Variants in SDR42E1 observed in about 807,000 individuals in gnomAD.
SDR42E1 encodes short chain dehydrogenase/reductase family 42E, member 1.
A neutral mutation model predicts 2.6 loss-of-function variants in SDR42E1; 5 were observed. The ratio of observed to expected loss-of-function variants is 1.94; its 90% CI spans 1.01 to 4.08. The LOEUF (loss-of-function observed/expected upper bound fraction) is 4.08. Among genes scored for constraint, SDR42E1 ranks in the 30% most tolerant of loss-of-function variants. SDR42E1 has a pLI of 0.00. For synonymous variants in SDR42E1, 231 were observed against 188.3 expected (o/e 1.23, Z -1.86); for missense variants, 596 against 478.6 (o/e 1.25, Z -2.29).
At chr16:82,004,504 T>A (rs1343210586) in intron 1 of SDR42E1, among the ~76,000 whole-genome samples, 1 of 152,188 alleles carries the variant, frequency 6.6e-6, no homozygotes, top group Non-Finnish European at 1.5e-5. Context: ...TGAATCCCAT[T>A]CTTTTTTTCT....
chr16:82,007,771 T>G (rs1912989883), intron 1 of SDR42E1: 1 of 152,218 alleles, frequency 6.6e-6, no homozygotes, highest in Non-Finnish European at 1.5e-5. Flanking sequence ...GATGAAGGGT[T>G]AAGACTCCCA....
intron 1 of SDR42E1, among the ~76,000 whole-genome samples, chr16:82,010,428 T>C (rs1913088637): frequency 6.6e-6 from 1 of 152,178 alleles, no homozygotes; most frequent in Non-Finnish European, 1.5e-5. Flanking sequence ...CTTAGGTCAT[T>C]ATCTTATCAC....
At chr16:82,004,571 G>A (rs1301345772) in intron 1 of SDR42E1, among the ~76,000 whole-genome samples, 1 of 152,178 alleles carries the variant, frequency 6.6e-6, no homozygotes, top group African/African-American at 2.4e-5. Context: ...TGTGACCACG[G>A]CTCACTGCAA....
At chr16:82,005,084 G>C (rs541630374) in intron 1 of SDR42E1, among the ~76,000 whole-genome samples, 1 of 152,340 alleles carries the variant, frequency 6.6e-6, no homozygotes, top group South Asian at 2.1e-4. Context: ...GCCTTCAAAA[G>C]CCCAATTAAA....
chr16:82,006,947 ATAAT>A (rs1178365768), intron 1 of SDR42E1, among the ~76,000 whole-genome samples: 2 of 152,274 alleles, frequency 1.3e-5, no homozygotes. Flanking sequence ...ACAGCTGTCT[ATAAT>A]TCAGGGTCAT....
chr16:81,994,857 A>G lies in SDR42E1; in HGVS notation c.*4254T>C, dbSNP rs1912505579. On this transcript the variant is annotated 3_prime_UTR_variant, in exon 3 of 3. Transcript: ENST00000328945. Reference sequence around the variant, plus strand: ...ACTTGCCTCTTTTATACACCATGTTAGATGGTTGAGGAAAATAAAACATTT... The same window carrying G: ...ACTTGCCTCTTTTATACACCATGTTGGATGGTTGAGGAAAATAAAACATTT... 6.6e-6 allele frequency: 1 copy of G among 152,222 alleles called. No individual in the cohort carries two copies. The highest frequency in any genetic ancestry group is 1.5e-5 in the Non-Finnish European group (1 of 68,030). The allele number at this position is 152,222 out of a possible 1,614,324, so 9.4% of individuals were successfully genotyped here.
In SDR42E1 at chr16:81,992,434, A is replaced by T. The variant is rs1243075176; in HGVS notation, c.*6677T>A. ...CAACATTTCAGACTTATTATTATCT[A>T]TTCAGGACACTAACTCCTAGTGACT... On this transcript the variant is annotated 3_prime_UTR_variant, in exon 3 of 3. Coordinates refer to ENST00000328945, the MANE Select transcript of SDR42E1 (RefSeq NM_145168.3). The T allele has an allele frequency of 6.6e-6, 1 of 152,186 alleles. No homozygotes were observed. Among genetic ancestry groups the T allele is most frequent in the Non-Finnish European group, 1.5e-5 (1 of 68,036 alleles). The allele number at this position is 152,186 out of a possible 1,614,324, so 9.4% of individuals were successfully genotyped here.
chr16:81,993,823 C>G lies in SDR42E1; in HGVS notation c.*5288G>C, dbSNP rs1427745283. 6.6e-6 allele frequency: 1 copy of G among 152,166 alleles called. No individual in the cohort carries two copies. The highest frequency in any genetic ancestry group is 6.5e-5 in the Admixed American group (1 of 15,270). The allele number at this position is 152,166 out of a possible 1,614,324, so 9.4% of individuals were successfully genotyped here. A position where few individuals can be genotyped will look rare whatever the true frequency, so the allele number is the denominator to read the frequency against. ...CCATATAAAACAAGAGTTTGAACTACTCTGCTTAAAGGTATGTTGGTGCCA... is the reference window on the plus strand; with the variant it reads ...CCATATAAAACAAGAGTTTGAACTAGTCTGCTTAAAGGTATGTTGGTGCCA... On this transcript the variant is annotated 3_prime_UTR_variant, in exon 3 of 3. Transcript: ENST00000328945.
Position 82,007,743 on chromosome 16 carries a change from T to C in SDR42E1, c.-27+3644A>G, listed in dbSNP as rs1376404896. ...ATTGGAGGTGGCCCATCTTCTCCCA[T>C]GTGGCACAGGTAGCACTGATGAAGG... On this transcript the variant is annotated intron_variant, in intron 1 of 2. Coordinates refer to ENST00000328945, the MANE Select transcript of SDR42E1 (RefSeq NM_145168.3). The C allele has an allele frequency of 4.6e-5, 7 of 152,262 alleles. No individual in the cohort carries two copies. In the East Asian group the frequency reaches 1.3e-3, roughly 29 times the overall value. The allele number at this position is 152,262 out of a possible 1,614,324, so 9.4% of individuals were successfully genotyped here.
At position 81,999,152 on chromosome 16, in the gene SDR42E1, C is replaced by A. The variant is rs567656572; in HGVS notation, c.1141G>T (p.Val381Phe). ...GLLVFLLIIAVLMWLPSSVIL... is the reference protein window; with the variant it reads ...GLLVFLLIIAFLMWLPSSVIL... ...ACAGAAGAAGGCAGCCACATGAGAA[C>A]TGCTATAATCAGGAGGAAGACCAAT... Residue 381 changes from valine (V) to phenylalanine (F), a missense_variant, in exon 3 of 3, where the codon GTT (valine) becomes TTT (phenylalanine). By Grantham distance (50) the Val-to-Phe change is conservative. Transcript: ENST00000328945. 6.2e-7 allele frequency: 1 copy of A among 1,614,196 alleles called. No homozygotes were observed. The highest frequency in any genetic ancestry group is 1.3e-5 in the African/African-American group (1 of 75,066).
In SDR42E1 at chr16:81,999,333, A is replaced by G; in HGVS notation, c.960T>C (p.Gly320=). 6.2e-7 allele frequency: 1 copy of G among 1,614,240 alleles called. No individual in the cohort carries two copies. Among genetic ancestry groups the G allele is most frequent in the African/African-American group, 1.3e-5 (1 of 75,064 alleles). The change falls in exon 3 of 3, where the codon GGT becomes GGC. Residue 320 remains glycine, a synonymous_variant. Transcript: ENST00000328945. The stretch of plus-strand genomic sequence containing the variant: ...TCTCTAAGCTAAAATAATGTGTGAC[A>G]CCAGTTTTGTAAACTTCAGTGCGAG... The part of the protein sequence containing the change: ...FLTRTEVYKT[G]VTHYFSLEKA...
chr16:81,995,789 G>A lies in SDR42E1; in HGVS notation c.*3322C>T, dbSNP rs1276344788. The A allele has an allele frequency of 2.0e-5, 3 of 152,184 alleles. No homozygotes were observed. Among genetic ancestry groups the A allele is most frequent in the East Asian group, 1.9e-4 (1 of 5,198 alleles). 9.4% of individuals were successfully genotyped at this position (152,184 alleles called of 1,614,324 possible). On this transcript the variant is annotated 3_prime_UTR_variant, in exon 3 of 3. Coordinates refer to ENST00000328945, the MANE Select transcript of SDR42E1 (RefSeq NM_145168.3). ...GGAGTACAGCTGTAAGCAAGACAAA[G>A]TTCCCACCCTCATAGAGCTAACAGG...
intron 1 of SDR42E1, among the ~76,000 whole-genome samples, chr16:82,003,238 C>T (rs944033796): frequency 3.0e-4 from 46 of 152,170 alleles, no homozygotes; most frequent in African/African-American, 9.9e-4. Context: ...CAAGAAAATT[C>T]ATGAAGAATG....
intron 1 of SDR42E1, among the ~76,000 whole-genome samples, chr16:82,002,577 C>G (rs1203764603): frequency 6.6e-6 from 1 of 152,160 alleles, no homozygotes; most frequent in Non-Finnish European, 1.5e-5. Flanking sequence ...AGAATTACCA[C>G]AGAGACAGTA....
Position 82,006,426 on chromosome 16 carries a change from C to T in SDR42E1, c.-27+4961G>A, listed in dbSNP as rs113680704. On this transcript the variant is annotated intron_variant, in intron 1 of 2. Coordinates refer to ENST00000328945, the MANE Select transcript of SDR42E1 (RefSeq NM_145168.3). Reference sequence around the variant, plus strand: ...TGTGTTTAATACAAGGAAGTCAAAACAATAAAAATAAATATGCAGTTAGAG... The same window carrying T: ...TGTGTTTAATACAAGGAAGTCAAAATAATAAAAATAAATATGCAGTTAGAG... 2.3e-3 allele frequency among the ~76,000 whole-genome samples: 357 copies of T among 152,142 alleles called. 3 individuals are homozygous for T. Among genetic ancestry groups the T allele is most frequent in the African/African-American group, 7.9e-3 (327 of 41,488 alleles).
At position 81,998,781 on chromosome 16, in the gene SDR42E1, A is replaced by G. The variant is rs1912618107; in HGVS notation, c.*330T>C. On this transcript the variant is annotated 3_prime_UTR_variant, in exon 3 of 3. Transcript: ENST00000328945. ...ATGCAGACTGCATAAAATGGAAATA[A>G]GTATATCTTGCCCTCTCAGAAATTC... is the stretch of plus-strand genomic sequence containing the variant. 7.1e-6 allele frequency: 2 copies of G among 283,260 alleles called. No individual in the cohort carries two copies. Among genetic ancestry groups the G allele is most frequent in the Middle Eastern group, 1.2e-3 (1 of 860 alleles). 17.5% of individuals were successfully genotyped at this position (283,260 alleles called of 1,614,324 possible).
chr16:81,993,344 TACCA>T lies in SDR42E1; in HGVS notation c.*5763_*5766del, dbSNP rs1459932320. The stretch of plus-strand genomic sequence containing the variant: ...GATAAGAAACACCTAGAGTGCAGAT[TACCA>T]ACCAACACAGACTTTCTCAATCAGA... On this transcript the variant is annotated 3_prime_UTR_variant, in exon 3 of 3. Transcript: ENST00000328945. 1 of 152,180 alleles carries T rather than the reference TACCA, an allele frequency of 6.6e-6. No individual in the cohort carries two copies. Among genetic ancestry groups the T allele is most frequent in the Non-Finnish European group, 1.5e-5 (1 of 68,054 alleles). The allele number at this position is 152,180 out of a possible 1,614,324, so 9.4% of individuals were successfully genotyped here. A position where few individuals can be genotyped will look rare whatever the true frequency, so the allele number is the denominator to read the frequency against.
rs910123361 is a variant in SDR42E1, at chr16:81,993,406, G to A, written c.*5705C>T. 2.6e-5 allele frequency: 4 copies of A among 152,116 alleles called. No homozygotes were observed. Among genetic ancestry groups the A allele is most frequent in the South Asian group, 2.1e-4 (1 of 4,818 alleles). The allele number at this position is 152,116 out of a possible 1,614,324, so 9.4% of individuals were successfully genotyped here. A position where few individuals can be genotyped will look rare whatever the true frequency, so the allele number is the denominator to read the frequency against. On this transcript the variant is annotated 3_prime_UTR_variant, in exon 3 of 3. Transcript: ENST00000328945. ...GGGAAGAGTCTGGAGTCTGTATATCGAGGTAAAATAGATGTAAGGAGTTCC... is the reference window on the plus strand; with the variant it reads ...GGGAAGAGTCTGGAGTCTGTATATCAAGGTAAAATAGATGTAAGGAGTTCC...
chr16:81,996,128 G>C lies in SDR42E1; in HGVS notation c.*2983C>G, dbSNP rs1259539394. On this transcript the variant is annotated 3_prime_UTR_variant, in exon 3 of 3. Coordinates refer to ENST00000328945, the MANE Select transcript of SDR42E1 (RefSeq NM_145168.3). Reference sequence around the variant, plus strand: ...CAGGCAAGGGGCCAGTTCAGACAAAGCCTCTTGATCACGTTAAAGATTCTC... The same window carrying C: ...CAGGCAAGGGGCCAGTTCAGACAAACCCTCTTGATCACGTTAAAGATTCTC... The C allele has an allele frequency of 2.0e-5, 3 of 152,358 alleles. No homozygotes were observed. In the East Asian group the frequency reaches 5.8e-4, roughly 29 times the overall value. 9.4% of individuals were successfully genotyped at this position (152,358 alleles called of 1,614,324 possible). A position where few individuals can be genotyped will look rare whatever the true frequency, so the allele number is the denominator to read the frequency against.
Sources: allele counts gnomAD v4.1 joint callset (sites outside exome capture counted in the v4.1 genomes callset), GRCh38; gene constraint gnomAD v4.1.1; transcripts MANE v1.5; gene names NCBI Gene and HGNC (gene_info 2026-07-23, HGNC 2026-07-21).